GABRG2: variants seen among roughly 807,000 people sequenced by gnomAD.
GABRG2 encodes the protein gamma-aminobutyric acid receptor subunit gamma-2.
GABRG2 carries 16 observed loss-of-function variants against 56.4 expected under a neutral mutation model. The ratio of observed to expected loss-of-function variants is 0.28; its 90% confidence interval spans 0.19 to 0.43. The LOEUF (loss-of-function observed/expected upper bound fraction) is 0.43. Ranked by LOEUF, GABRG2 falls within the 20% of genes least tolerant of loss-of-function variation. The pLI, the probability that GABRG2 is intolerant of heterozygous loss-of-function variation, is 1.00. For missense variants in GABRG2, 327 were observed against 582.7 expected (o/e 0.56, Z 4.52); for synonymous variants, 208 against 205.5 (o/e 1.01, Z -0.10).
At chr5:162,142,696 C>T (rs1358514229) in intron 7 of GABRG2, 1 of 338,370 alleles carries the variant, frequency 3.0e-6, no homozygotes, top group East Asian at 7.7e-5. Context: ...GGGAATTGAA[C>T]AATGAGAACA....
chr5:162,140,365 T>C (rs2113587583), intron 6 of GABRG2, among the ~76,000 whole-genome samples: 1 of 152,250 alleles, frequency 6.6e-6, no homozygotes, highest in South Asian at 2.1e-4. Context: ...TAGGAAATAT[T>C]GCAAGGTTAG....
intron 1 of GABRG2, among the ~76,000 whole-genome samples, chr5:162,086,217 T>G (rs749917768): frequency 5.5e-4 from 83 of 152,166 alleles, no homozygotes; most frequent in African/African-American, 1.9e-3. Context: ...TGGGCACATA[T>G]AGAAAGAGAG....
At chr5:162,090,502 T>G (rs1760487879) in intron 1 of GABRG2, among the ~76,000 whole-genome samples, 1 of 152,104 alleles carries the variant, frequency 6.6e-6, no homozygotes, top group Non-Finnish European at 1.5e-5. Flanking sequence ...TCTGCATTTC[T>G]GGCAAGCTCC....
intron 8 of GABRG2, chr5:162,151,013 G>T (rs997452554): frequency 2.0e-5 from 3 of 152,132 alleles, no homozygotes; most frequent in Non-Finnish European, 4.4e-5. Context: ...TCTATTGAGA[G>T]TTGGCATATT....
At chr5:162,100,594 C>A (rs1027320148) in intron 4 of GABRG2, among the ~76,000 whole-genome samples, 1 of 152,112 alleles carries the variant, frequency 6.6e-6, no homozygotes, top group Admixed American at 6.6e-5. Context: ...GATTTACTGG[C>A]AAACATTTTT....
chr5:162,101,546 G>A lies in GABRG2; in HGVS notation c.631+229G>A, dbSNP rs1421637516. On this transcript the variant is annotated intron_variant, in intron 5 of 9. Transcript: ENST00000639213. ...TAAGAATTACAATAGGTTTCCTTGA[G>A]TTGCAAACTTTTAATATATTGGTTG... The A allele has an allele frequency of 2.3e-5, 12 of 528,158 alleles. No homozygotes were observed. In the East Asian group the frequency reaches 3.8e-4, roughly 17 times the overall value. The allele number at this position is 528,158 out of a possible 1,614,324, so 32.7% of individuals were successfully genotyped here.
intron 6 of GABRG2, among the ~76,000 whole-genome samples, chr5:162,123,536 G>A (rs1242844045): frequency 6.6e-6 from 1 of 151,756 alleles, no homozygotes; most frequent in Non-Finnish European, 1.5e-5. Context: ...CCTGTCTTGG[G>A]AGTTACAGCA....
chr5:162,117,755 C>T (rs1028126800), intron 6 of GABRG2, among the ~76,000 whole-genome samples: 2 of 151,976 alleles, frequency 1.3e-5, no homozygotes, highest in South Asian at 2.1e-4. Flanking sequence ...TGAATTAGTA[C>T]AAAACAGAAT....
At chr5:162,077,557 C>A (rs1759234915) in intron 1 of GABRG2, among the ~76,000 whole-genome samples, 1 of 152,138 alleles carries the variant, frequency 6.6e-6, no homozygotes, top group African/African-American at 2.4e-5. Flanking sequence ...AACACTATTT[C>A]AATGTATGAC....
chr5:162,133,126 C>A (rs2205364), intron 6 of GABRG2, among the ~76,000 whole-genome samples: 2 of 151,666 alleles, frequency 1.3e-5, no homozygotes, highest in African/African-American at 2.4e-5. Flanking sequence ...ACTCCTGAAG[C>A]CTGAAGGTAG....
At chr5:162,135,776 C>A (rs1362210898) in intron 6 of GABRG2, among the ~76,000 whole-genome samples, 1 of 151,984 alleles carries the variant, frequency 6.6e-6, no homozygotes, top group Non-Finnish European at 1.5e-5. Flanking sequence ...GGTGAAAGAA[C>A]CCTGTGGGAA....
intron 6 of GABRG2, among the ~76,000 whole-genome samples, chr5:162,113,836 C>T (rs2113438823): frequency 6.6e-6 from 1 of 152,296 alleles, no homozygotes; most frequent in South Asian, 2.1e-4. Context: ...CTACTGATCA[C>T]ATTTCCTTAT....
chr5:162,099,462 A>G (rs1761249906), intron 4 of GABRG2: 1 of 152,104 alleles, frequency 6.6e-6, no homozygotes, highest in South Asian at 2.1e-4. Flanking sequence ...TTTTGTAGAG[A>G]TAGTCTTACT....
intron 7 of GABRG2, among the ~76,000 whole-genome samples, chr5:162,143,371 G>T (rs552334702): frequency 2.0e-5 from 3 of 152,266 alleles, no homozygotes; most frequent in African/African-American, 7.2e-5. Context: ...GGGGAAAAGC[G>T]ACTCTTAAGA....
chr5:162,116,485 C>T (rs917042119), intron 6 of GABRG2, among the ~76,000 whole-genome samples: 2 of 151,742 alleles, frequency 1.3e-5, no homozygotes, highest in Non-Finnish European at 2.9e-5. Context: ...GTCCTTAAAA[C>T]CTCTGCTTTG....
At chr5:162,068,177 G>T in intron 1 of GABRG2, 71 bp downstream of exon 1, 1 of 1,002,676 alleles carries the variant, frequency 1.0e-6, no homozygotes, top group Non-Finnish European at 1.6e-6. Context: ...GGGGTAACTC[G>T]GGAGACCACC....
At position 162,104,599 on chromosome 5, in the gene GABRG2, T is replaced by TA. The variant is rs1380771084; in HGVS notation, c.769+581dup. On this transcript the variant is annotated intron_variant, in intron 6 of 9. Transcript: ENST00000639213. Reference sequence around the variant, plus strand: ...GCTTTTCCAGATACCTAATGTGCATTAAAAAAAATTGCATCACAGGAAGAC... The same window carrying TA: ...GCTTTTCCAGATACCTAATGTGCATTAAAAAAAAATTGCATCACAGGAAGAC... Among the ~76,000 whole-genome samples the TA allele has an allele frequency of 1.2e-4, 18 of 151,940 alleles. No homozygotes were observed. The South Asian group carries it at 2.9e-3, about 25-fold the overall frequency.
chr5:162,094,148 T>C (rs1760825655), intron 2 of GABRG2, 169 bp downstream of exon 2: 1 of 656,152 alleles, frequency 1.5e-6, no homozygotes, highest in South Asian at 1.9e-5. Flanking sequence ...GTGGGAGAGG[T>C]GTCAATACAT....
At chr5:162,137,762 G>A in intron 6 of GABRG2, among the ~76,000 whole-genome samples, 1 of 150,616 alleles carries the variant, frequency 6.6e-6, no homozygotes, top group East Asian at 2.0e-4. Context: ...GTCTCACTCT[G>A]TCACCCACAC....
Sources: gnomAD v4.1 joint callset for allele counts (sites outside exome capture counted in the v4.1 genomes callset) on GRCh38, gnomAD v4.1.1 for gene constraint, MANE v1.5 for transcripts, NCBI Gene and HGNC (gene_info 2026-07-23, HGNC 2026-07-21) for gene names.